COPA: variants seen among roughly 807,000 people sequenced by gnomAD.
COPA encodes the protein coatomer subunit alpha.
Under a neutral mutation model 158.7 loss-of-function variants are expected in COPA, and 10 were observed. The observed-to-expected ratio is 0.06, with a 90% CI of 0.04 to 0.11. The LOEUF (loss-of-function observed/expected upper bound fraction) is 0.11, where lower values mean the gene tolerates loss of function less well. COPA is among the 10% of genes least tolerant of loss of function. The pLI, the probability that COPA is intolerant of heterozygous loss-of-function variation, is 1.00. For synonymous variants in COPA, 462 were observed against 542.8 expected, an observed-to-expected ratio of 0.85 and a Z score of 2.07; for missense variants, 1,065 against 1,536.7, an observed-to-expected ratio of 0.69 and a Z score of 5.13.
chr1:160,313,852 A>C (rs1659052244), intron 9 of COPA, 138 bp downstream of exon 9: 1 of 719,880 alleles, frequency 1.4e-6, no homozygotes, highest in East Asian at 3.2e-5. Flanking sequence ...ACTGATCTCT[A>C]GGTCTCTTCA....
At chr1:160,317,629 C>A in intron 8 of COPA, 2 of 1,542,680 alleles carry the variant, frequency 1.3e-6, no homozygotes, top group South Asian at 2.2e-5. Context: ...TAATCATACT[C>A]CAAAAGAACT....
chr1:160,317,244 G>A (rs1571168648), intron 8 of COPA, among the ~76,000 whole-genome samples: 1 of 152,150 alleles, frequency 6.6e-6, no homozygotes, highest in African/African-American at 2.4e-5. Context: ...GTAGTTCTTC[G>A]ATCTGAAAGA....
In COPA at chr1:160,292,148, T is replaced by C; in HGVS notation, c.3011A>G (p.Asn1004Ser). 6.2e-7 allele frequency: 1 copy of C among 1,613,946 alleles called. No individual in the cohort carries two copies. Among genetic ancestry groups the C allele is most frequent in the Non-Finnish European group, 8.5e-7 (1 of 1,180,028 alleles). ...CAGCTGCAACCGTTGGATGAGGTCATTAAGCTTCAGGCCCACAGCTGGTAC... is the reference window on the plus strand; with the variant it reads ...CAGCTGCAACCGTTGGATGAGGTCACTAAGCTTCAGGCCCACAGCTGGTAC... Reference protein sequence around the residue: ...NGVPAVGLKLNDLIQRLQLCY... With the variant: ...NGVPAVGLKLSDLIQRLQLCY... The change falls in exon 29 of 33, where the codon AAT becomes AGT. Residue 1004 changes from asparagine to serine, a missense_variant. By Grantham distance (46) the Asn-to-Ser change is conservative. Around this residue, in one of 2 missense-constraint regions of COPA, gnomAD observed 980 missense variants for 1,357.8 expected, o/e 0.72. Coordinates refer to ENST00000241704, the MANE Select transcript of COPA (RefSeq NM_004371.4).
chr1:160,325,635 G>C lies in COPA; in HGVS notation c.514C>G (p.Leu172Val). 2.5e-6 allele frequency: 4 copies of C among 1,614,120 alleles called. No individual in the cohort carries two copies. In the South Asian group the frequency reaches 3.3e-5, roughly 13 times the overall value. Residue 172 changes from leucine (L) to valine (V), a missense_variant, in exon 7 of 33, where the codon CTG becomes GTG. Around this residue, in one of 2 missense-constraint regions of COPA, gnomAD observed 980 missense variants for 1,357.8 expected, o/e 0.72. Coordinates refer to ENST00000241704, the MANE Select transcript of COPA (RefSeq NM_004371.4). ...TCCGATTCCACCGCACCAGGGGACAGGTTTTTTTTCCTCAGACCTTTGAAG... is the reference window on the plus strand; with the variant it reads ...TCCGATTCCACCGCACCAGGGGACACGTTTTTTTTCCTCAGACCTTTGAAG... Reference protein sequence around the residue: ...WDISGLRKKNLSPGAVESDVR... With the variant: ...WDISGLRKKNVSPGAVESDVR...
chr1:160,310,320 G>T, intron 11 of COPA, 62 bp from the exon 12 acceptor site: 1 of 1,019,142 alleles, frequency 9.8e-7, no homozygotes, highest in Admixed American at 2.3e-5. Context: ...AAGGAAGAAA[G>T]GAATCACCCC....
At chr1:160,330,639 C>A (rs995342235) in intron 6 of COPA, among the ~76,000 whole-genome samples, 7 of 152,192 alleles carry the variant, frequency 4.6e-5, no homozygotes, top group African/African-American at 1.7e-4. Flanking sequence ...TTTCAGCTTG[C>A]TGTTCATTAA....
rs375099053 is a variant in COPA, at chr1:160,293,428, A to G, written c.2712T>C (p.Asp904=). 2.0e-5 allele frequency: 32 copies of G among 1,610,902 alleles called. No homozygotes were observed. The Admixed American group carries it at 2.0e-4, about 10-fold the overall frequency. Reference sequence around the variant, plus strand: ...CCTTGGTTGGGGGCACAAAGAAACCATCTTCAGCCCCACCAGCTGCCCCAG... The same window carrying G: ...CCTTGGTTGGGGGCACAAAGAAACCGTCTTCAGCCCCACCAGCTGCCCCAG... The part of the protein sequence containing the change: ...ISPGAAGGAE[D]GFFVPPTKGT... Residue 904 remains aspartate, a synonymous_variant, in exon 26 of 33, where the codon GAT becomes GAC. Transcript: ENST00000241704.
intron 14 of COPA, 39 bp downstream of exon 14, chr1:160,307,124 C>A: frequency 6.3e-7 from 1 of 1,599,122 alleles, no homozygotes; most frequent in South Asian, 1.1e-5. Context: ...ACTGCCACCA[C>A]ACTCCCCAAA....
In COPA at chr1:160,343,219, T is replaced by G; in HGVS notation, c.-49A>C. The G allele has an allele frequency of 6.2e-7, 1 of 1,613,114 alleles. No individual in the cohort carries two copies. ...TCTTAATCCGAGCCCCGACACACCC[T>G]GCTGCCCTTCGGACGCCTCCACGTC... On this transcript the variant is annotated 5_prime_UTR_variant, in exon 1 of 33. Coordinates refer to ENST00000241704, the MANE Select transcript of COPA (RefSeq NM_004371.4).
chr1:160,316,680 G>A (rs1659152082), intron 8 of COPA, among the ~76,000 whole-genome samples: 1 of 151,776 alleles, frequency 6.6e-6, no homozygotes, highest in Non-Finnish European at 1.5e-5. Flanking sequence ...AACTCGGGAG[G>A]CGGAGGTCAT....
In COPA at chr1:160,296,169, T is replaced by C; in HGVS notation, c.2264-20A>G. The stretch of plus-strand genomic sequence containing the variant: ...GGGACTCTGTAGAGAAAACAGACTT[T>C]GTGGTATAGGTACATTTCCAAATGC... On this transcript the variant is annotated intron_variant, in intron 21 of 32. Transcript: ENST00000241704. 6.2e-7 allele frequency: 1 copy of C among 1,608,340 alleles called. No individual in the cohort carries two copies. The highest frequency in any genetic ancestry group is 2.2e-5 in the East Asian group (1 of 44,852).
At chr1:160,337,391 G>A (rs1031954843) in intron 3 of COPA, among the ~76,000 whole-genome samples, 1 of 152,174 alleles carries the variant, frequency 6.6e-6, no homozygotes, top group African/African-American at 2.4e-5. Context: ...ATGGAAAAAT[G>A]TTCAAGTTTA....
chr1:160,312,458 T>C (rs1658997374), intron 10 of COPA, among the ~76,000 whole-genome samples: 1 of 151,414 alleles, frequency 6.6e-6, no homozygotes, highest in African/African-American at 2.4e-5. Context: ...TTTGTGATTC[T>C]GTTTTTTAAA....
In COPA at chr1:160,297,729, G is replaced by C; in HGVS notation, c.1994C>G (p.Ala665Gly). The C allele has an allele frequency of 6.2e-7, 1 of 1,613,898 alleles. No homozygotes were observed. The highest frequency in any genetic ancestry group is 8.5e-7 in the Non-Finnish European group (1 of 1,179,952). Residue 665 changes from alanine to glycine, a missense_variant, in exon 20 of 33, where the codon GCC becomes GGC. Physicochemically the swap from Ala to Gly is moderately conservative, Grantham distance 60. Transcript: ENST00000241704. ...GCAGTTCTTGTCATCCAGTGCTTTG[G>C]CTGCTTCCAGAGCAATCTAAAGAAT... ...CGNIEIALEA[A>G]KALDDKNCWE...
chr1:160,335,197 G>C (rs774878135), intron 4 of COPA, 45 bp downstream of exon 4: 2 of 1,523,270 alleles, frequency 1.3e-6, no homozygotes, highest in South Asian at 2.5e-5. Context: ...ATTACTATGG[G>C]GAAACTAAGA....
rs376444376 is a variant in COPA at position 160,297,655 on chromosome 1, C to T, written c.2068G>A (p.Val690Met). 5.0e-6 allele frequency: 8 copies of T among 1,614,048 alleles called. No homozygotes were observed. Among genetic ancestry groups the T allele is most frequent in the Non-Finnish European group, 6.8e-6 (8 of 1,180,034 alleles). The change falls in exon 20 of 33, where the codon GTG (valine) becomes ATG (methionine). Residue 690 changes from valine to methionine, a missense_variant. Coordinates refer to ENST00000241704, the MANE Select transcript of COPA (RefSeq NM_004371.4). The part of the protein sequence containing the change: ...VALLQGNHQI[V>M]EMCYQRTKNF... The stretch of plus-strand genomic sequence containing the variant: ...TTGGTACGCTGATAGCACATTTCCA[C>T]AATCTGGTGGTTCCCCTGCAGCAGG...
intron 3 of COPA, chr1:160,339,674 G>C (rs1647945999): frequency 2.2e-6 from 1 of 451,934 alleles, no homozygotes; most frequent in Non-Finnish European, 4.0e-6. Context: ...TAGAATAAAA[G>C]CTCCTTGAAA....
chr1:160,326,697 T>G lies in COPA; in HGVS notation c.497-1045A>C, dbSNP rs377500278. ...ACCATAAGCCATGTAAAAAGTGTAC[T>G]CATGCCTACTACTTGACTCTTGGAC... On this transcript the variant is annotated intron_variant, in intron 6 of 32. Transcript: ENST00000241704. Among the ~76,000 whole-genome samples the G allele has an allele frequency of 2.0e-5, 3 of 152,346 alleles. No individual in the cohort carries two copies. In the East Asian group the frequency reaches 5.8e-4, roughly 29 times the overall value.
chr1:160,311,983 G>A lies in COPA; in HGVS notation c.961C>T (p.Arg321Trp), dbSNP rs747456372. 5.0e-6 allele frequency: 8 copies of A among 1,613,768 alleles called. No individual in the cohort carries two copies. The highest frequency in any genetic ancestry group is 2.7e-5 in the African/African-American group (2 of 74,910). The change falls in exon 11 of 33, where the codon CGG (arginine) becomes TGG (tryptophan). Residue 321 changes from arginine to tryptophan, a missense_variant. Coordinates refer to ENST00000241704, the MANE Select transcript of COPA (RefSeq NM_004371.4). ...DGGMIVFKLE[R>W]ERPAYAVHGN... Reference sequence around the variant, plus strand: ...TGAACAGCATAGGCTGGCCGTTCCCGTTCCAGCTTAAACACAATCATACCA... The same window carrying A: ...TGAACAGCATAGGCTGGCCGTTCCCATTCCAGCTTAAACACAATCATACCA...
Sources: gnomAD v4.1 joint callset for allele counts (sites outside exome capture counted in the v4.1 genomes callset) on GRCh38, gnomAD v4.1.1 for gene constraint, gnomAD v4.1.1 regional missense constraint, MANE v1.5 for transcripts, NCBI Gene and HGNC (gene_info 2026-07-23, HGNC 2026-07-21) for gene names.